MBOAT4: variants seen among roughly 807,000 people sequenced by gnomAD.
The protein encoded by MBOAT4 is membrane-bound ghrelin O-acyltransferase MBOAT4.
In MBOAT4, 11 loss-of-function variants were observed where a neutral mutation model predicts 13.2. That is an observed-to-expected ratio of 0.84 (90% CI 0.53 to 1.38). MBOAT4 has a LOEUF of 1.38. Ranked by LOEUF, MBOAT4 falls within the 40% of genes most tolerant of loss-of-function variation. The pLI is 0.00. For missense variants in MBOAT4, 481 were observed against 527.2 expected (o/e 0.91, Z 0.86); for synonymous variants, 202 against 210.3 (o/e 0.96, Z 0.34).
intron 1 of MBOAT4, among the ~76,000 whole-genome samples, chr8:30,141,957 A>G (rs1803268189): frequency 6.6e-6 from 1 of 152,064 alleles, no homozygotes. Flanking sequence ...CCCCCTCAAC[A>G]CCCCAGTTAA....
chr8:30,141,830 A>G (rs976015759), intron 1 of MBOAT4, among the ~76,000 whole-genome samples: 2 of 152,172 alleles, frequency 1.3e-5, no homozygotes, highest in Non-Finnish European at 2.9e-5. Context: ...ACAGGTTAGC[A>G]AGAACCACTT....
intron 2 of MBOAT4, among the ~76,000 whole-genome samples, chr8:30,134,999 C>T (rs1486713317): frequency 6.6e-6 from 1 of 152,146 alleles, no homozygotes; most frequent in Non-Finnish European, 1.5e-5. Flanking sequence ...CCCACCTCTC[C>T]CTCCTGAGAA....
Position 30,131,879 on chromosome 8 carries a change from A to G in MBOAT4, c.*64T>C, listed in dbSNP as rs1585480596. 1.4e-6 allele frequency: 2 copies of G among 1,477,448 alleles called. No homozygotes were observed. The highest frequency in any genetic ancestry group is 1.8e-6 in the Non-Finnish European group (2 of 1,112,452). The allele number at this position is 1,477,448 out of a possible 1,614,324, so 91.5% of individuals were successfully genotyped here. On this transcript the variant is annotated 3_prime_UTR_variant, in exon 3 of 3. Coordinates refer to ENST00000320542, the MANE Select transcript of MBOAT4 (RefSeq NM_001100916.2). The stretch of plus-strand genomic sequence containing the variant: ...AAAAGTTCAAATGTATGCATTATCG[A>G]TGCGTCATCTGGCACTTTCTAAAAT...
chr8:30,133,148 CT>C (rs1803064700), intron 2 of MBOAT4, among the ~76,000 whole-genome samples: 1 of 152,124 alleles, frequency 6.6e-6, no homozygotes, highest in Non-Finnish European at 1.5e-5. Flanking sequence ...AACTCCTGGG[CT>C]TAAGCAATCT....
In MBOAT4 at chr8:30,132,202, C is replaced by A. The variant is rs1280455088; in HGVS notation, c.1049G>T (p.Cys350Phe). Residue 350 changes from cysteine (C) to phenylalanine (F), a missense_variant, in exon 3 of 3, where the codon TGC becomes TTC. Physicochemically the swap from Cys to Phe is radical, Grantham distance 205. Transcript: ENST00000320542. ...GTCAGCTTCCACCATCACGGCCCAG[C>A]AAACGAAACCAAACACCTGTCCTGG... ...LHPGQVFGFV[C>F]WAVMVEADYL... is the part of the protein sequence containing the mutation. The A allele has an allele frequency of 2.6e-6, 4 of 1,551,880 alleles. No individual in the cohort carries two copies. Among genetic ancestry groups the A allele is most frequent in the Non-Finnish European group, 3.5e-6 (4 of 1,147,042 alleles).
intron 2 of MBOAT4, among the ~76,000 whole-genome samples, chr8:30,133,550 G>T (rs1289705567): frequency 1.3e-5 from 2 of 152,146 alleles, no homozygotes; most frequent in African/African-American, 2.4e-5. Flanking sequence ...CTGAATAGGA[G>T]AATTTGCCTG....
chr8:30,141,503 T>A (rs947033078), intron 1 of MBOAT4, among the ~76,000 whole-genome samples: 24 of 151,984 alleles, frequency 1.6e-4, no homozygotes, highest in African/African-American at 5.8e-4. Context: ...TAGGGTATGG[T>A]GGCGGGCCCC....
rs147397445 is a variant in MBOAT4, at chr8:30,138,542, G to A, written c.334C>T (p.Pro112Ser). 13 of 1,546,774 alleles carry A rather than the reference G, an allele frequency of 8.4e-6. No individual in the cohort carries two copies. Among genetic ancestry groups the A allele is most frequent in the African/African-American group, 2.7e-5 (2 of 72,942 alleles). Reference protein sequence around the residue: ...HYTEYYLHEPPSVRFCITLSS... With the variant: ...HYTEYYLHEPSSVRFCITLSS... ...GAACAGGCTGCTTACCTCACAGAAG[G>A]AGGCTCATGCAGATAATACTCAGTG... The change falls in exon 2 of 3, where the codon CCT (proline) becomes TCT (serine). Residue 112 changes from proline to serine, a missense_variant. Physicochemically the swap from Pro to Ser is moderately conservative, Grantham distance 74. Transcript: ENST00000320542.
chr8:30,131,888 C>G lies in MBOAT4; in HGVS notation c.*55G>C. ...AATGTATGCATTATCGATGCGTCAT[C>G]TGGCACTTTCTAAAATGTTTCCTGG... On this transcript the variant is annotated 3_prime_UTR_variant, in exon 3 of 3. Transcript: ENST00000320542. 1 of 1,491,346 alleles carries G rather than the reference C, an allele frequency of 6.7e-7. No individual in the cohort carries two copies. The highest frequency in any genetic ancestry group is 8.9e-7 in the Non-Finnish European group (1 of 1,119,078). 92.4% of individuals were successfully genotyped at this position (1,491,346 alleles called of 1,614,324 possible).
In MBOAT4 at chr8:30,144,588, CA is replaced by C; in HGVS notation, c.13del (p.Trp5GlyfsTer41). ...CGATATAGGATGGAGAAAGAACAGC[CA>C]AAGCCACTCCATTAGGAACCAGAAC... The part of the protein sequence containing the change: MEWL[W>X]LFFLHPISFY... On this transcript the variant is annotated frameshift_variant, in exon 1 of 3. Coordinates refer to ENST00000320542, the MANE Select transcript of MBOAT4 (RefSeq NM_001100916.2). LOFTEE classifies it high-confidence loss of function. The C allele has an allele frequency of 6.5e-7, 1 of 1,549,674 alleles. No individual in the cohort carries two copies. The highest frequency in any genetic ancestry group is 2.4e-5 in the East Asian group (1 of 40,894).
rs1298668848 is a variant in MBOAT4 at position 30,138,279 on chromosome 8, G to A, written c.344+253C>T. On this transcript the variant is annotated intron_variant, in intron 2 of 2. Transcript: ENST00000320542. Reference sequence around the variant, plus strand: ...TACTGCAATTCCCCTGTTTGTCTAGGCAGTGGAGAAGGTGAACCCACTGGG... The same window carrying A: ...TACTGCAATTCCCCTGTTTGTCTAGACAGTGGAGAAGGTGAACCCACTGGG... 8.3e-6 allele frequency: 3 copies of A among 361,790 alleles called. No individual in the cohort carries two copies. In the East Asian group the frequency reaches 1.3e-4, roughly 16 times the overall value. The allele number at this position is 361,790 out of a possible 1,614,324, so 22.4% of individuals were successfully genotyped here.
Position 30,131,701 on chromosome 8 carries a change from A to G in MBOAT4, c.*242T>C. 1 of 412,728 alleles carries G rather than the reference A, an allele frequency of 2.4e-6. No homozygotes were observed. Among genetic ancestry groups the G allele is most frequent in the South Asian group, 2.6e-5 (1 of 38,596 alleles). 25.6% of individuals were successfully genotyped at this position (412,728 alleles called of 1,614,324 possible). On this transcript the variant is annotated 3_prime_UTR_variant, in exon 3 of 3. Coordinates refer to ENST00000320542, the MANE Select transcript of MBOAT4 (RefSeq NM_001100916.2). ...CACTTTACTTAATCTTTGCTTCCAC[A>G]TCTAGACTGTAAACCTTAAGGGAAG...
At chr8:30,135,338 A>G (rs1803118544) in intron 2 of MBOAT4, among the ~76,000 whole-genome samples, 1 of 152,246 alleles carries the variant, frequency 6.6e-6, no homozygotes, top group Non-Finnish European at 1.5e-5. Context: ...TAATATTTCC[A>G]AGAAAGGCCT....
chr8:30,132,917 A>G lies in MBOAT4; in HGVS notation c.345-11T>C. ...AGAGTGATGCAGAACCTGCAAGATA[A>G]TTTTTTAAAGAACATAAAAACACTC... On this transcript the variant is annotated splice_polypyrimidine_tract_variant and intron_variant, in intron 2 of 2. Coordinates refer to ENST00000320542, the MANE Select transcript of MBOAT4 (RefSeq NM_001100916.2). The G allele has an allele frequency of 6.7e-7, 1 of 1,496,358 alleles. No homozygotes were observed. The highest frequency in any genetic ancestry group is 8.9e-7 in the Non-Finnish European group (1 of 1,123,458). 92.7% of individuals were successfully genotyped at this position (1,496,358 alleles called of 1,614,324 possible).
chr8:30,137,415 G>A, intron 2 of MBOAT4: 1 of 1,551,688 alleles, frequency 6.4e-7, no homozygotes, highest in Non-Finnish European at 8.7e-7. Flanking sequence ...CCGTGCTGAG[G>A]CTGGCAGACA....
chr8:30,143,369 ATAT>A (rs1803295335), intron 1 of MBOAT4, among the ~76,000 whole-genome samples: 3 of 12,820 alleles, frequency 2.3e-4, no homozygotes, highest in African/African-American at 4.1e-4. Context: ...AAAAAAAAAT[ATAT>A]ATATATATAT....
rs1490102574 is a variant in MBOAT4, at chr8:30,132,349, A to G, written c.902T>C (p.Val301Ala). The G allele has an allele frequency of 1.3e-6, 2 of 1,551,742 alleles. No homozygotes were observed. The highest frequency in any genetic ancestry group is 1.2e-5 in the South Asian group (1 of 84,056). The change falls in exon 3 of 3, where the codon GTG becomes GCG. Residue 301 changes from valine to alanine, a missense_variant. By Grantham distance (64) the Val-to-Ala change is moderately conservative. Transcript: ENST00000320542. ...GCTTTGGTTCCACTTTCTTGAGAAC[A>G]CAGATATCCTGTGGGTTCTTTCCAG... ...WTLERTHRIS[V>A]FSRKWNQSTA...
intron 1 of MBOAT4, among the ~76,000 whole-genome samples, chr8:30,142,849 A>T (rs946021435): frequency 2.0e-5 from 3 of 152,234 alleles, no homozygotes; most frequent in African/African-American, 4.8e-5. Flanking sequence ...CCATTGTTTA[A>T]TCAAATTCCA....
rs140656420 is a variant in MBOAT4, at chr8:30,140,330, C to T, written c.120-1574G>A. On this transcript the variant is annotated intron_variant, in intron 1 of 2. Transcript: ENST00000320542. The stretch of plus-strand genomic sequence containing the variant: ...CTTAGACACTGTACCTAAGGTGATC[C>T]GCCCACCTCAGCCTCCCAAAATGCT... 7.5e-4 allele frequency among the ~76,000 whole-genome samples: 114 copies of T among 152,288 alleles called. 6 individuals carry two copies. The East Asian group carries it at 0.014, about 18-fold the overall frequency.
Sources: gnomAD v4.1 joint callset for allele counts (sites outside exome capture counted in the v4.1 genomes callset) on GRCh38, gnomAD v4.1.1 for gene constraint, MANE v1.5 for transcripts, NCBI Gene and HGNC (gene_info 2026-07-23, HGNC 2026-07-21) for gene names.